The following PLEKHG3 variants were observed in gnomAD, a reference collection of about 807,000 sequenced individuals.
The protein encoded by PLEKHG3 is pleckstrin homology and RhoGEF domain containing G3.
In PLEKHG3, 62 loss-of-function variants were observed where a neutral mutation model predicts 94.9. The ratio of observed to expected loss-of-function variants is 0.65; its 90% confidence interval spans 0.53 to 0.81. PLEKHG3 has a LOEUF of 0.81. Ranked by LOEUF, PLEKHG3 falls within the 30% of genes least tolerant of loss-of-function variation. The pLI is 0.00. For missense variants in PLEKHG3, 1,461 were observed against 1,619.3 expected, an observed-to-expected ratio of 0.90 and a Z score of 1.68; for synonymous variants, 614 against 654.0, an observed-to-expected ratio of 0.94 and a Z score of 0.93.
At chr14:64,736,378 C>T (rs1443698327) in intron 12 of PLEKHG3, among the ~76,000 whole-genome samples, 3 of 152,248 alleles carry the variant, frequency 2.0e-5, no homozygotes, top group South Asian at 2.1e-4. Flanking sequence ...AAGTCGGGTG[C>T]GACCTCTGCT....
chr14:64,742,234 G>A lies in PLEKHG3; in HGVS notation c.2717G>A (p.Arg906His), dbSNP rs138505394. 1.4e-4 allele frequency: 224 copies of A among 1,613,012 alleles called. 1 individual carries two copies. The South Asian group carries it at 2.2e-3, about 16-fold the overall frequency. Residue 906 changes from arginine (R) to histidine (H), a missense_variant, in exon 16 of 17, where the codon CGC becomes CAC. By Grantham distance (29) the Arg-to-His change is conservative. Around this residue, in one of 3 missense-constraint regions of PLEKHG3, gnomAD observed 1,201 missense variants for 1,295.5 expected, o/e 0.93. Coordinates refer to ENST00000247226, the MANE Select transcript of PLEKHG3 (RefSeq NM_001308147.2). The part of the protein sequence containing the change: ...QGELVAPLHP[R>H]IVQLSHVMDS... ...GAGCTGGTGGCCCCACTGCACCCCCGCATCGTGCAGCTCTCCCACGTAATG... is the reference window on the plus strand; with the variant it reads ...GAGCTGGTGGCCCCACTGCACCCCCACATCGTGCAGCTCTCCCACGTAATG...
rs1566721433 is a variant in PLEKHG3, at chr14:64,743,494, C to T, written c.3451C>T (p.Pro1151Ser). 4 of 1,613,138 alleles carry T rather than the reference C, an allele frequency of 2.5e-6. No individual in the cohort carries two copies. The highest frequency in any genetic ancestry group is 2.5e-6 in the Non-Finnish European group (3 of 1,179,970). The part of the protein sequence containing the change: ...NRRVIVMEKG[P>S]LPSPTAGLEE... ...GCGGGTGATTGTCATGGAGAAGGGA[C>T]CCCTTCCCAGCCCCACTGCAGGGCT... The change falls in exon 17 of 17, where the codon CCC (proline) becomes TCC (serine). Residue 1151 changes from proline to serine, a missense_variant. Transcript: ENST00000247226. The surrounding 1 kb of genome is among the most constrained non-coding windows in gnomAD (Gnocchi z 7.2).
In PLEKHG3 at chr14:64,730,275, G is replaced by C; in HGVS notation, c.482G>C (p.Ser161Thr). The C allele has an allele frequency of 1.3e-6, 2 of 1,535,432 alleles. No individual in the cohort carries two copies. Among genetic ancestry groups the C allele is most frequent in the Non-Finnish European group, 1.7e-6 (2 of 1,146,252 alleles). Residue 161 changes from serine (S) to threonine (T), a missense_variant, in exon 4 of 17, where the codon AGT becomes ACT. Coordinates refer to ENST00000247226, the MANE Select transcript of PLEKHG3 (RefSeq NM_001308147.2). The surrounding 1 kb of genome is among the most constrained non-coding windows in gnomAD (Gnocchi z 5.4). ...CTCAGAGACCTGGACAGCTGCAATA[G>C]TGACCCCGTGGCTGTGGCCAGCTGC... is the stretch of plus-strand genomic sequence containing the variant. ...QLLRDLDSCNSDPVAVASCFV... is the reference protein window; with the variant it reads ...QLLRDLDSCNTDPVAVASCFV...
At chr14:64,705,144 C>T (rs185981018) in intron 1 of PLEKHG3, among the ~76,000 whole-genome samples, 7 of 152,284 alleles carry the variant, frequency 4.6e-5, no homozygotes, top group African/African-American at 1.7e-4. Context: ...CAGCCTGTTC[C>T]GGGTTGGCGC....
intron 1 of PLEKHG3, among the ~76,000 whole-genome samples, chr14:64,710,383 A>T (rs2081049168): frequency 6.6e-6 from 1 of 152,156 alleles, no homozygotes; most frequent in African/African-American, 2.4e-5. Context: ...ATGAAAGAGG[A>T]TAAAGGCCGG....
At chr14:64,736,606 C>T (rs2081574329) in intron 12 of PLEKHG3, among the ~76,000 whole-genome samples, 1 of 152,190 alleles carries the variant, frequency 6.6e-6, no homozygotes. Context: ...ATGGGTGGTA[C>T]TGCTCCGGCA....
Position 64,722,664 on chromosome 14 carries a change from G to A in PLEKHG3, c.-39-4929G>A, listed in dbSNP as rs1249712269. Reference sequence around the variant, plus strand: ...GTGCGGTGTGGCTTCTCATTCTTGAGTGTGGGGTGAAGGGCAGTGGATGAA... The same window carrying A: ...GTGCGGTGTGGCTTCTCATTCTTGAATGTGGGGTGAAGGGCAGTGGATGAA... On this transcript the variant is annotated intron_variant, in intron 1 of 16. Coordinates refer to ENST00000247226, the MANE Select transcript of PLEKHG3 (RefSeq NM_001308147.2). The surrounding 1 kb of genome is among the most constrained non-coding windows in gnomAD (Gnocchi z 4.3). 1.3e-5 allele frequency among the ~76,000 whole-genome samples: 2 copies of A among 152,202 alleles called. No individual in the cohort carries two copies. Among genetic ancestry groups the A allele is most frequent in the South Asian group, 4.1e-4 (2 of 4,834 alleles).
chr14:64,736,018 C>T (rs1315493681), intron 12 of PLEKHG3, among the ~76,000 whole-genome samples: 1 of 152,238 alleles, frequency 6.6e-6, no homozygotes, highest in Non-Finnish European at 1.5e-5. Context: ...CTTCAACAGG[C>T]CTGCCTGCTG....
Position 64,716,384 on chromosome 14 carries a change from C to G in PLEKHG3, c.-39-11209C>G, listed in dbSNP as rs1211857485. 6.6e-6 allele frequency among the ~76,000 whole-genome samples: 1 copy of G among 150,496 alleles called. No individual in the cohort carries two copies. ...TCTGCCGGGGACTTCAGGGGGACTTCATGTCGTGAACATTTGGAGTTGAGT... is the reference window on the plus strand; with the variant it reads ...TCTGCCGGGGACTTCAGGGGGACTTGATGTCGTGAACATTTGGAGTTGAGT... On this transcript the variant is annotated intron_variant, in intron 1 of 16. Coordinates refer to ENST00000247226, the MANE Select transcript of PLEKHG3 (RefSeq NM_001308147.2). The surrounding 1 kb of genome is among the most constrained non-coding windows in gnomAD (Gnocchi z 5.0).
intron 14 of PLEKHG3, chr14:64,737,936 A>G: frequency 8.2e-7 from 1 of 1,223,142 alleles, no homozygotes; most frequent in Non-Finnish European, 1.0e-6. Flanking sequence ...CAGAGGCTGA[A>G]GGGGCTACCC....
chr14:64,714,904 GA>G (rs146992094), intron 1 of PLEKHG3, among the ~76,000 whole-genome samples: 7 of 152,078 alleles, frequency 4.6e-5, no homozygotes, highest in Non-Finnish European at 8.8e-5. Context: ...GACCTGGGGG[GA>G]AAAAAGCACA....
chr14:64,717,148 T>TGTGTGA lies in PLEKHG3; in HGVS notation c.-39-10444_-39-10443insTGTGAG, dbSNP rs1555359515. Among the ~76,000 whole-genome samples the TGTGTGA allele has an allele frequency of 2.6e-5, 4 of 151,474 alleles. No individual in the cohort carries two copies. The highest frequency in any genetic ancestry group is 4.4e-5 in the Non-Finnish European group (3 of 67,920). The stretch of plus-strand genomic sequence containing the variant: ...GTGTGTGTGTGTGTGTGTGTGTGTG[T>TGTGTGA]GAGTCCATAAGGTCTGCTTTGGAAA... On this transcript the variant is annotated intron_variant, in intron 1 of 16. Transcript: ENST00000247226. This position sits in a 1 kb window ranked among gnomAD's most constrained non-coding sequence, Gnocchi z 4.7.
Position 64,725,591 on chromosome 14 carries a change from A to T in PLEKHG3, c.-39-2002A>T, listed in dbSNP as rs553313716. Among the ~76,000 whole-genome samples the T allele has an allele frequency of 6.6e-6, 1 of 152,298 alleles. No individual in the cohort carries two copies. The highest frequency in any genetic ancestry group is 1.9e-4 in the East Asian group (1 of 5,186). ...GGAGGGAGGAAAAAGCAACAGCCCT[A>T]CAATTCCCAGGGGGCTCTCTTCTGA... On this transcript the variant is annotated intron_variant, in intron 1 of 16. Transcript: ENST00000247226. This position sits in a 1 kb window ranked among gnomAD's most constrained non-coding sequence, Gnocchi z 5.0.
In PLEKHG3 at chr14:64,723,196, A is replaced by G. The variant is rs2081294341; in HGVS notation, c.-39-4397A>G. ...GGTTTAGGCTTAAATTTAAAGAAAA[A>G]GAAAAGAAACCTCCCTCTCTCCCCC... On this transcript the variant is annotated intron_variant, in intron 1 of 16. Coordinates refer to ENST00000247226, the MANE Select transcript of PLEKHG3 (RefSeq NM_001308147.2). This position sits in a 1 kb window ranked among gnomAD's most constrained non-coding sequence, Gnocchi z 4.5. Among the ~76,000 whole-genome samples the G allele has an allele frequency of 6.6e-6, 1 of 152,240 alleles. No homozygotes were observed. The highest frequency in any genetic ancestry group is 6.5e-5 in the Admixed American group (1 of 15,300).
chr14:64,707,291 A>G (rs933000536), intron 1 of PLEKHG3, among the ~76,000 whole-genome samples: 1 of 151,592 alleles, frequency 6.6e-6, no homozygotes, highest in Non-Finnish European at 1.5e-5. Context: ...CCCACAACTC[A>G]CCTCTGGCCA....
Position 64,731,369 on chromosome 14 carries a change from G to A in PLEKHG3, c.858G>A (p.Gln286=). ...GGGCCCCTCTGCTGCAGGAGATTCAGTCACTCCTCATCAACTGGAAGGGGC... is the reference window on the plus strand; with the variant it reads ...GGGCCCCTCTGCTGCAGGAGATTCAATCACTCCTCATCAACTGGAAGGGGC... ...HEHAVRLQEI[Q]SLLINWKGPD... The change falls in exon 8 of 17, where the codon CAG becomes CAA. Residue 286 remains glutamine, a synonymous_variant. Transcript: ENST00000247226. The surrounding 1 kb of genome is among the most constrained non-coding windows in gnomAD (Gnocchi z 6.1). 1 of 1,613,436 alleles carries A rather than the reference G, an allele frequency of 6.2e-7. No homozygotes were observed. Among genetic ancestry groups the A allele is most frequent in the Non-Finnish European group, 8.5e-7 (1 of 1,179,848 alleles).
At position 64,741,207 on chromosome 14, in the gene PLEKHG3, G is replaced by A. The variant is rs775037199; in HGVS notation, c.1690G>A (p.Val564Met). 39 of 1,613,956 alleles carry A rather than the reference G, an allele frequency of 2.4e-5. No homozygotes were observed. The highest frequency in any genetic ancestry group is 8.8e-5 in the South Asian group (8 of 91,090). The stretch of plus-strand genomic sequence containing the variant: ...CCCCCCAGGTGACATGGTGGACTTC[G>A]TGGCAGCTGAGAGCACTGAGGACCT... The part of the protein sequence containing the change: ...MDPPGDMVDF[V>M]AAESTEDLKA... Residue 564 changes from valine (V) to methionine (M), a missense_variant, in exon 16 of 17, where the codon GTG (valine) becomes ATG (methionine). Coordinates refer to ENST00000247226, the MANE Select transcript of PLEKHG3 (RefSeq NM_001308147.2).
chr14:64,737,163 C>T (rs546363290), intron 13 of PLEKHG3, 193 bp from the exon 14 acceptor site: 32 of 646,952 alleles, frequency 4.9e-5, no homozygotes, highest in African/African-American at 1.8e-4. Context: ...GCTCTGTGGC[C>T]CCTGGGCCCC....
Position 64,746,342 on chromosome 14 carries a change from C to CA in PLEKHG3, c.*2640dup. The CA allele has an allele frequency of 6.6e-6, 1 of 152,646 alleles. No individual in the cohort carries two copies. The highest frequency in any genetic ancestry group is 1.9e-4 in the East Asian group (1 of 5,184). The allele number at this position is 152,646 out of a possible 1,614,324, so 9.5% of individuals were successfully genotyped here. ...ATGGGTTTCCTCTGGTTGGTGGAAG[C>CA]ACGGTTGAGCAGGTGGAGGACAGGA... is the stretch of plus-strand genomic sequence containing the variant. On this transcript the variant is annotated 3_prime_UTR_variant, in exon 17 of 17. Transcript: ENST00000247226. This position sits in a 1 kb window ranked among gnomAD's most constrained non-coding sequence, Gnocchi z 4.9.
Sources: allele counts gnomAD v4.1 joint callset (sites outside exome capture counted in the v4.1 genomes callset), GRCh38; gene constraint gnomAD v4.1.1; regional missense constraint gnomAD v4.1.1; non-coding constraint Gnocchi (gnomAD v3.1); transcripts MANE v1.5; gene names NCBI Gene and HGNC (gene_info 2026-07-23, HGNC 2026-07-21).